LRRC49: variants seen among roughly 807,000 people sequenced by gnomAD.
LRRC49 encodes the protein leucine-rich repeat-containing protein 49.
In LRRC49, 50 loss-of-function variants were observed where a neutral mutation model predicts 83.3. The observed-to-expected ratio is 0.60, with a 90% CI of 0.48 to 0.76. The LOEUF (loss-of-function observed/expected upper bound fraction) is 0.76. Ranked by LOEUF, LRRC49 falls within the 30% of genes least tolerant of loss-of-function variation. LRRC49 has a pLI of 0.00. For missense variants in LRRC49, 704 were observed against 809.1 expected, an observed-to-expected ratio of 0.87 and a Z score of 1.58; for synonymous variants, 286 against 283.3, an observed-to-expected ratio of 1.01 and a Z score of -0.10.
chr15:71,033,895 T>C (rs1188593149), intron 14 of LRRC49, among the ~76,000 whole-genome samples: 1 of 152,082 alleles, frequency 6.6e-6, no homozygotes, highest in Non-Finnish European at 1.5e-5. Flanking sequence ...TCAAGATAGA[T>C]TAAAGACTTA....
At chr15:70,855,489 A>G (rs2032634014) in intron 1 of LRRC49, among the ~76,000 whole-genome samples, 1 of 152,186 alleles carries the variant, frequency 6.6e-6, no homozygotes, top group African/African-American at 2.4e-5. Context: ...AAACAACAGA[A>G]CCCTGGACCA....
At chr15:70,858,930 C>T in intron 1 of LRRC49, 1 of 787,626 alleles carries the variant, frequency 1.3e-6, no homozygotes. Flanking sequence ...CCAGAGCCTG[C>T]TGAGCCCTCT....
intron 8 of LRRC49, among the ~76,000 whole-genome samples, chr15:70,959,924 T>G (rs560143996): frequency 1.9e-4 from 29 of 152,290 alleles, no homozygotes; most frequent in African/African-American, 6.7e-4. Context: ...TTTTTATTCA[T>G]AATGCTCAAA....
chr15:70,982,493 A>G (rs1306344817), intron 10 of LRRC49, among the ~76,000 whole-genome samples: 1 of 152,222 alleles, frequency 6.6e-6, no homozygotes, highest in Non-Finnish European at 1.5e-5. Flanking sequence ...CTTGCTTTAT[A>G]TAAGGAGCAC....
intron 6 of LRRC49, 112 bp from the exon 7 acceptor site, chr15:70,918,938 T>C: frequency 2.5e-6 from 2 of 785,032 alleles, no homozygotes; most frequent in Non-Finnish European, 4.0e-6. Context: ...TGTCTACATA[T>C]AAACTTGCCA....
chr15:70,992,644 T>C (rs1020749838), intron 11 of LRRC49, among the ~76,000 whole-genome samples: 1 of 152,226 alleles, frequency 6.6e-6, no homozygotes, highest in African/African-American at 2.4e-5. Flanking sequence ...ACAGCAAATG[T>C]CCACTCCAGA....
In LRRC49 at chr15:71,012,866, T is replaced by C. The variant is rs370140832; in HGVS notation, c.1656T>C (p.Ser552=). 1.7e-5 allele frequency: 28 copies of C among 1,613,356 alleles called. No individual in the cohort carries two copies. Among genetic ancestry groups the C allele is most frequent in the Non-Finnish European group, 2.4e-5 (28 of 1,179,468 alleles). The part of the protein sequence containing the change: ...RLFGILAHVA[S]SELPQYRLIS... The stretch of plus-strand genomic sequence containing the variant: ...TTGGAATCCTAGCACATGTAGCATC[T>C]TCTGAGTTACCCCAGTATCGTCTGA... The change falls in exon 14 of 16, where the codon TCT becomes TCC. Residue 552 remains serine (S), a synonymous_variant. Transcript: ENST00000260382.
intron 2 of LRRC49, among the ~76,000 whole-genome samples, chr15:70,880,924 T>C (rs1184611944): frequency 6.6e-6 from 1 of 152,216 alleles, no homozygotes; most frequent in Non-Finnish European, 1.5e-5. Flanking sequence ...TTTTAAAACA[T>C]AATGCTCTCT....
At chr15:70,941,319 G>A (rs975017506) in intron 8 of LRRC49, among the ~76,000 whole-genome samples, 3 of 151,832 alleles carry the variant, frequency 2.0e-5, no homozygotes, top group Admixed American at 6.6e-5. Flanking sequence ...TTTTTCTATG[G>A]TTTTTCATTG....
chr15:70,897,637 A>G (rs1217484053), intron 3 of LRRC49, among the ~76,000 whole-genome samples: 1 of 152,226 alleles, frequency 6.6e-6, no homozygotes, highest in Non-Finnish European at 1.5e-5. Flanking sequence ...CCCAATCATT[A>G]TAATTAATTT....
intron 11 of LRRC49, among the ~76,000 whole-genome samples, chr15:70,995,340 AAAGT>A (rs2038039049): frequency 6.6e-6 from 1 of 152,220 alleles, no homozygotes; most frequent in Admixed American, 6.5e-5. Flanking sequence ...ATTTATGGTC[AAAGT>A]AAGTTTTTGA....
intron 1 of LRRC49, among the ~76,000 whole-genome samples, chr15:70,861,912 G>T (rs1001157846): frequency 3.9e-5 from 6 of 151,970 alleles, no homozygotes; most frequent in Non-Finnish European, 8.8e-5. Context: ...GTGACAGAGT[G>T]AGACTCTGTC....
intron 11 of LRRC49, among the ~76,000 whole-genome samples, chr15:71,002,712 G>T (rs1490896960): frequency 6.6e-6 from 1 of 151,852 alleles, no homozygotes; most frequent in Non-Finnish European, 1.5e-5. Flanking sequence ...TATTCATTGG[G>T]AAAAGAATCT....
intron 1 of LRRC49, among the ~76,000 whole-genome samples, chr15:70,867,767 A>T (rs2032943683): frequency 6.6e-6 from 1 of 152,228 alleles, no homozygotes; most frequent in Non-Finnish European, 1.5e-5. Flanking sequence ...TATGAAGGGC[A>T]CTGGAAAGAC....
intron 11 of LRRC49, among the ~76,000 whole-genome samples, chr15:70,990,649 C>T (rs560943189): frequency 7.2e-5 from 11 of 152,324 alleles, no homozygotes; most frequent in East Asian, 1.9e-4. Flanking sequence ...CACTGTCCTG[C>T]GCCCACTGTC....
chr15:70,894,598 A>C, intron 2 of LRRC49: 2 of 1,284,866 alleles, frequency 1.6e-6, no homozygotes. Flanking sequence ...CTTTCTACAC[A>C]CTATGTCTCA....
intron 1 of LRRC49, chr15:70,859,977 G>C: frequency 1.3e-6 from 1 of 759,680 alleles, no homozygotes; most frequent in East Asian, 2.4e-5. Context: ...TATGCAGGTG[G>C]TCTGAGCTCC....
intron 10 of LRRC49, among the ~76,000 whole-genome samples, chr15:70,982,551 A>G (rs1248445582): frequency 6.6e-6 from 1 of 152,224 alleles, no homozygotes; most frequent in Non-Finnish European, 1.5e-5. Context: ...TATTAAATAT[A>G]ACCCACTGAA....
intron 8 of LRRC49, among the ~76,000 whole-genome samples, chr15:70,938,964 TA>T (rs2035702951): frequency 6.6e-6 from 1 of 152,196 alleles, no homozygotes; most frequent in South Asian, 2.1e-4. Context: ...TCACACATTT[TA>T]AAAGCATACA....
Sources: gnomAD v4.1 joint callset for allele counts (sites outside exome capture counted in the v4.1 genomes callset) on GRCh38, gnomAD v4.1.1 for gene constraint, MANE v1.5 for transcripts, NCBI Gene and HGNC (gene_info 2026-07-23, HGNC 2026-07-21) for gene names.